The following PRKCB variants were observed in gnomAD, a reference collection of about 807,000 sequenced individuals.
The protein encoded by PRKCB is protein kinase C beta.
PRKCB carries 13 observed loss-of-function variants against 81.5 expected under a neutral mutation model. The ratio of observed to expected loss-of-function variants is 0.16; its 90% confidence interval spans 0.10 to 0.25. PRKCB has a LOEUF of 0.25. PRKCB is among the 10% of genes least tolerant of loss of function. The probability of loss-of-function intolerance (pLI) is 1.00; values close to 1 mark genes in which losing one functional copy is unlikely to be tolerated. For synonymous variants in PRKCB, 335 were observed against 321.4 expected, an observed-to-expected ratio of 1.04 and a Z score of -0.45; for missense variants, 509 against 875.7, an observed-to-expected ratio of 0.58 and a Z score of 5.29.
chr16:24,136,051 G>A (rs1423170423), intron 9 of PRKCB, among the ~76,000 whole-genome samples: 1 of 150,454 alleles, frequency 6.6e-6, no homozygotes, highest in African/African-American at 2.4e-5. Flanking sequence ...CCCCCACCAA[G>A]CCTTCAACCT....
At chr16:24,112,568 C>G (rs902656831) in intron 7 of PRKCB, among the ~76,000 whole-genome samples, 3 of 152,050 alleles carry the variant, frequency 2.0e-5, no homozygotes, top group Non-Finnish European at 2.9e-5. Flanking sequence ...ACAACAACAA[C>G]AAGAAATTTA....
chr16:24,158,485 T>C (rs1345045461), intron 10 of PRKCB, among the ~76,000 whole-genome samples: 3 of 151,878 alleles, frequency 2.0e-5, no homozygotes, highest in Admixed American at 6.6e-5. Flanking sequence ...CTTTAAGGAG[T>C]TTTGCATTTA....
intron 2 of PRKCB, among the ~76,000 whole-genome samples, chr16:23,947,057 T>C (rs1168386348): frequency 3.9e-5 from 6 of 152,186 alleles, no homozygotes; most frequent in Non-Finnish European, 8.8e-5. Flanking sequence ...GGTTTTACCA[T>C]GTTGGCCAGG....
chr16:23,876,581 T>C (rs1283918265), intron 2 of PRKCB, among the ~76,000 whole-genome samples: 4 of 93,404 alleles, frequency 4.3e-5, no homozygotes, highest in Non-Finnish European at 9.6e-5. Context: ...TTTTTCTTTT[T>C]GAAAAAAAAA....
At chr16:24,069,947 A>C (rs1442765591) in intron 5 of PRKCB, among the ~76,000 whole-genome samples, 1 of 152,094 alleles carries the variant, frequency 6.6e-6, no homozygotes, top group Non-Finnish European at 1.5e-5. Context: ...TCCTTCCTTC[A>C]GTGTGTGGCT....
At chr16:24,194,190 G>A (rs1967843406) in intron 16 of PRKCB, among the ~76,000 whole-genome samples, 1 of 152,000 alleles carries the variant, frequency 6.6e-6, no homozygotes, top group Non-Finnish European at 1.5e-5. Context: ...AGCTAGATGC[G>A]ATGGCATGCA....
intron 3 of PRKCB, among the ~76,000 whole-genome samples, chr16:24,007,200 G>A (rs956441573): frequency 3.3e-5 from 5 of 152,184 alleles, no homozygotes; most frequent in African/African-American, 4.8e-5. Flanking sequence ...TAGGGTCCAC[G>A]TGAGGATTAA....
At chr16:24,037,255 C>T (rs1443058219) in intron 5 of PRKCB, among the ~76,000 whole-genome samples, 2 of 152,174 alleles carry the variant, frequency 1.3e-5, no homozygotes, top group African/African-American at 4.8e-5. Context: ...TCCCAAAGTG[C>T]TGGGATTACA....
At chr16:24,175,213 A>G (rs1277947809) in intron 12 of PRKCB, among the ~76,000 whole-genome samples, 1 of 152,134 alleles carries the variant, frequency 6.6e-6, no homozygotes, top group African/African-American at 2.4e-5. Flanking sequence ...TGCAAATGGC[A>G]TAGCCAGGGC....
chr16:23,879,739 C>T (rs1019335352), intron 2 of PRKCB, among the ~76,000 whole-genome samples: 3 of 152,142 alleles, frequency 2.0e-5, no homozygotes, highest in Non-Finnish European at 4.4e-5. Context: ...AGTGATCCGC[C>T]CGCCTCGACC....
At chr16:23,849,269 T>C (rs993968512) in intron 2 of PRKCB, among the ~76,000 whole-genome samples, 3 of 152,238 alleles carry the variant, frequency 2.0e-5, no homozygotes, top group Non-Finnish European at 4.4e-5. Flanking sequence ...CCCTTCACCC[T>C]TTGGGTGGAG....
At chr16:24,141,992 C>T (rs954838413) in intron 9 of PRKCB, among the ~76,000 whole-genome samples, 2 of 152,192 alleles carry the variant, frequency 1.3e-5, no homozygotes, top group African/African-American at 2.4e-5. Flanking sequence ...CCTCCATAAT[C>T]GTGCCTTCAA....
intron 2 of PRKCB, among the ~76,000 whole-genome samples, chr16:23,854,254 T>G (rs17808981): frequency 0.027 from 4,098 of 152,214 alleles, 83 homozygotes; most frequent in South Asian, 0.062. Context: ...AGCTGACTTG[T>G]TATATAGAAG....
At chr16:23,983,224 G>T (rs1161000331) in intron 2 of PRKCB, among the ~76,000 whole-genome samples, 2 of 152,098 alleles carry the variant, frequency 1.3e-5, no homozygotes, top group Non-Finnish European at 2.9e-5. Flanking sequence ...TAAATAGGCA[G>T]CCCTACTATT....
rs149948246 is a variant in PRKCB at position 23,894,582 on chromosome 16, T to A, written c.205+57176T>A. Among the ~76,000 whole-genome samples, 428 of 152,306 alleles carry A rather than the reference T, an allele frequency of 2.8e-3. 4 individuals are homozygous for A. The highest frequency in any genetic ancestry group is 9.7e-3 in the African/African-American group (403 of 41,554). On this transcript the variant is annotated intron_variant, in intron 2 of 16. Transcript: ENST00000643927. The stretch of plus-strand genomic sequence containing the variant: ...GGGAAGCTGTCTTGAATGTCCAGCT[T>A]CCAGGTGCAAGCGCCTGCATGTGTG...
Position 23,926,157 on chromosome 16 carries a change from G to A in PRKCB, c.206-62351G>A, listed in dbSNP as rs1963893783. 2.0e-5 allele frequency among the ~76,000 whole-genome samples: 3 copies of A among 151,996 alleles called. 1 individual carries two copies. The South Asian group carries it at 6.2e-4, about 32-fold the overall frequency. On this transcript the variant is annotated intron_variant, in intron 2 of 16. Transcript: ENST00000643927. Reference sequence around the variant, plus strand: ...ATCGTGTTGTGTACCTGTGGTCCCAGTTTCTTGAGAGGCTGAGGCAGGAGG... The same window carrying A: ...ATCGTGTTGTGTACCTGTGGTCCCAATTTCTTGAGAGGCTGAGGCAGGAGG...
intron 2 of PRKCB, among the ~76,000 whole-genome samples, chr16:23,922,913 A>C (rs1963846609): frequency 6.6e-6 from 1 of 151,136 alleles, no homozygotes; most frequent in Admixed American, 6.6e-5. Context: ...CCAGTGTTAC[A>C]GACATAGTTT....
chr16:24,020,978 T>TTTC (rs1567346581), intron 3 of PRKCB, among the ~76,000 whole-genome samples: 5 of 85,538 alleles, frequency 5.8e-5, no homozygotes, highest in Non-Finnish European at 1.2e-4. Context: ...ACTTTTCTTT[T>TTTC]TCTTTCTTTC....
chr16:23,962,630 T>A (rs1964441072), intron 2 of PRKCB, among the ~76,000 whole-genome samples: 1 of 152,234 alleles, frequency 6.6e-6, no homozygotes. Context: ...CTCCATTGCC[T>A]GCCTTCCCCG....
Sources: allele counts gnomAD v4.1 joint callset (sites outside exome capture counted in the v4.1 genomes callset), GRCh38; gene constraint gnomAD v4.1.1; transcripts MANE v1.5; gene names NCBI Gene and HGNC (gene_info 2026-07-23, HGNC 2026-07-21).